Variants in SUPT7L observed in about 807,000 individuals in gnomAD.
SUPT7L encodes the protein STAGA complex 65 subunit gamma.
Under a neutral mutation model 35.7 loss-of-function variants are expected in SUPT7L, and 15 were observed. The observed-to-expected ratio is 0.42, with a 90% CI of 0.28 to 0.65. The LOEUF is 0.65. Ranked by LOEUF, SUPT7L falls within the 30% of genes least tolerant of loss-of-function variation. SUPT7L has a pLI of 0.23. For synonymous variants in SUPT7L, 168 were observed against 186.2 expected (o/e 0.90, Z 0.79); for missense variants, 434 against 522.2 (o/e 0.83, Z 1.65).
At chr2:27,653,878 G>C (rs1346733844) in intron 5 of SUPT7L, 131 bp from the exon 6 acceptor site, 7 of 1,188,984 alleles carry the variant, frequency 5.9e-6, no homozygotes, top group Non-Finnish European at 8.3e-6. Flanking sequence ...TCTGTACTTG[G>C]CTGGAGAATA....
the SUPT7L span, among the ~76,000 whole-genome samples, chr2:27,642,960 C>T: frequency 0.076 from 3,075 of 40,482 alleles, 72 homozygotes; most frequent in African/African-American, 0.14. Flanking sequence ...TATATATATA[C>T]ACACACACAC....
intron 1 of SUPT7L, among the ~76,000 whole-genome samples, chr2:27,662,566 G>A (rs566914042): frequency 2.0e-5 from 3 of 152,120 alleles, no homozygotes; most frequent in South Asian, 2.1e-4. Flanking sequence ...AGTCCCCACC[G>A]TCCGTCACTT....
chr2:27,646,303 A>G (rs375319527), downstream of SUPT7L, among the ~76,000 whole-genome samples: 9 of 152,228 alleles, frequency 5.9e-5, no homozygotes, highest in East Asian at 1.7e-3. Flanking sequence ...CAGCCTCCCA[A>G]AGTGCTGGGA....
At chr2:27,661,693 G>A in intron 2 of SUPT7L, 6 of 1,162,326 alleles carry the variant, frequency 5.2e-6, no homozygotes, top group Non-Finnish European at 6.6e-6. Context: ...GTAGAATTTG[G>A]GTCATTAGTG....
At chr2:27,650,275 T>G, downstream of SUPT7L, 1 of 804,166 alleles carries the variant, frequency 1.2e-6, no homozygotes, top group Non-Finnish European at 2.1e-6. Flanking sequence ...TGTTCTTACC[T>G]CTGAACTGGG....
At chr2:27,644,764 G>C in the SUPT7L span, among the ~76,000 whole-genome samples, 1 of 142,894 alleles carries the variant, frequency 7.0e-6, no homozygotes, top group East Asian at 2.0e-4. Context: ...TCTGAGGCTG[G>C]TCTGGACCTC....
downstream of SUPT7L, chr2:27,647,973 A>G: frequency 8.2e-7 from 1 of 1,218,006 alleles, no homozygotes; most frequent in Non-Finnish European, 1.2e-6. Flanking sequence ...GCCCGTGGCA[A>G]CAGAGCATCT....
downstream of SUPT7L, among the ~76,000 whole-genome samples, chr2:27,646,514 T>C (rs1674239918): frequency 6.6e-6 from 1 of 152,176 alleles, no homozygotes; most frequent in Admixed American, 6.5e-5. Flanking sequence ...TTTTTTTAGT[T>C]TTATCATTGG....
At chr2:27,660,607 A>T (rs1214401222) in intron 3 of SUPT7L, among the ~76,000 whole-genome samples, 1 of 152,168 alleles carries the variant, frequency 6.6e-6, no homozygotes, top group Non-Finnish European at 1.5e-5. Context: ...ATTCCTAAAA[A>T]TACCAGAATA....
At position 27,652,233 on chromosome 2, in the gene SUPT7L, A is replaced by G. The variant is rs1674591060; in HGVS notation, c.*1252T>C. ...AATGTGCTAAAGAGTTACAATTGGC[A>G]AATTTAAAATTATATGTTAAACTAT... On this transcript the variant is annotated 3_prime_UTR_variant, in exon 6 of 6. Transcript: ENST00000337768. 1 of 152,440 alleles carries G rather than the reference A, an allele frequency of 6.6e-6. No individual in the cohort carries two copies. The highest frequency in any genetic ancestry group is 2.4e-5 in the African/African-American group (1 of 41,566). 9.4% of individuals were successfully genotyped at this position (152,440 alleles called of 1,614,324 possible).
chr2:27,650,329 C>T (rs1572969287), downstream of SUPT7L: 5 of 544,620 alleles, frequency 9.2e-6, no homozygotes, highest in South Asian at 9.1e-5. Context: ...CAAAGTTTCT[C>T]TTATTAGAGA....
Position 27,657,379 on chromosome 2 carries a change from T to C in SUPT7L, c.710A>G (p.His237Arg). The C allele has an allele frequency of 6.2e-7, 1 of 1,614,246 alleles. No individual in the cohort carries two copies. Among genetic ancestry groups the C allele is most frequent in the East Asian group, 2.2e-5 (1 of 44,886 alleles). Residue 237 changes from histidine (H) to arginine (R), a missense_variant, in exon 4 of 6, where the codon CAC becomes CGC. His to Arg is a conservative substitution (Grantham distance 29). Around this residue, in one of 3 missense-constraint regions of SUPT7L, gnomAD observed 198 missense variants for 190.8 expected, o/e 1.04. Transcript: ENST00000337768. The surrounding 1 kb of genome is among the most constrained non-coding windows in gnomAD (Gnocchi z 5.2). ...SVLSLQKFWQ[H>R]RIKDYHSYML... is the part of the protein sequence containing the mutation. ...GTAACTGTGATAGTCCTTGATGCGG[T>C]GCTGCCAGAACTTCTGGAGGGAGAG...
At chr2:27,650,333 TTA>T (rs1442086761), downstream of SUPT7L, 2 of 541,228 alleles carry the variant, frequency 3.7e-6, no homozygotes, top group Non-Finnish European at 6.7e-6. Context: ...GTTTCTCTTA[TTA>T]GAGAAATCTT....
chr2:27,648,825 C>T (rs981795227), downstream of SUPT7L, among the ~76,000 whole-genome samples: 9 of 151,856 alleles, frequency 5.9e-5, no homozygotes, highest in East Asian at 5.9e-4. Context: ...TTAGTAGAGA[C>T]GGGGTTTCGC....
At chr2:27,646,501 A>T (rs559722715), downstream of SUPT7L, among the ~76,000 whole-genome samples, 44 of 151,964 alleles carry the variant, frequency 2.9e-4, no homozygotes, top group South Asian at 3.5e-3. Context: ...TGAATTAAAA[A>T]TTTTTTTTTA....
At chr2:27,662,098 T>A in intron 2 of SUPT7L, 81 bp downstream of exon 2, 1 of 1,596,348 alleles carries the variant, frequency 6.3e-7, no homozygotes, top group Non-Finnish European at 8.6e-7. Context: ...TTAAATCAAA[T>A]GGCTTCCCAT....
intron 2 of SUPT7L, 47 bp from the exon 3 acceptor site, chr2:27,661,435 G>C: frequency 6.2e-7 from 1 of 1,607,134 alleles, no homozygotes; most frequent in Non-Finnish European, 8.5e-7. Context: ...GATAAATGTA[G>C]ACAATAACCT....
rs747910456 is a variant in SUPT7L at position 27,651,107 on chromosome 2, T to G, written c.*2378A>C. The stretch of plus-strand genomic sequence containing the variant: ...CCGTGGATTTGGGTCAGAGGCACAT[T>G]TCATACATAACAGCCCTTATAAACG... On this transcript the variant is annotated 3_prime_UTR_variant, in exon 6 of 6. Transcript: ENST00000337768. The G allele has an allele frequency of 6.6e-6, 1 of 152,352 alleles. No individual in the cohort carries two copies. The highest frequency in any genetic ancestry group is 1.5e-5 in the Non-Finnish European group (1 of 68,042). The allele number at this position is 152,352 out of a possible 1,614,324, so 9.4% of individuals were successfully genotyped here.
chr2:27,661,096 G>A lies in SUPT7L; in HGVS notation c.307C>T (p.Pro103Ser), dbSNP rs1473947426. ...AGAGGAGGTGACCCAGGGCACGAGG[G>A]AAGAGGTTCACTCTCTTCAGTTTTT... ...GVKTEESEPL[P>S]SCPGSPPLPD... The change falls in exon 3 of 6, where the codon CCC (proline) becomes TCC (serine). Residue 103 changes from proline to serine, a missense_variant. Transcript: ENST00000337768. 7.4e-6 allele frequency: 12 copies of A among 1,614,074 alleles called. No homozygotes were observed. The highest frequency in any genetic ancestry group is 9.3e-6 in the Non-Finnish European group (11 of 1,180,044).
Sources: allele counts gnomAD v4.1 joint callset (sites outside exome capture counted in the v4.1 genomes callset), GRCh38; gene constraint gnomAD v4.1.1; regional missense constraint gnomAD v4.1.1; non-coding constraint Gnocchi (gnomAD v3.1); transcripts MANE v1.5; gene names NCBI Gene and HGNC (gene_info 2026-07-23, HGNC 2026-07-21).